DCC: variants seen among roughly 807,000 people sequenced by gnomAD.
DCC encodes the protein DCC netrin 1 receptor.
DCC carries 58 observed loss-of-function variants against 172.5 expected under a neutral mutation model. The ratio of observed to expected loss-of-function variants is 0.34; its 90% CI spans 0.27 to 0.42. The LOEUF (loss-of-function observed/expected upper bound fraction) is 0.42, where lower values mean the gene tolerates loss of function less well. DCC is among the 10% of genes least tolerant of loss of function. The probability of loss-of-function intolerance (pLI) is 1.00; values close to 1 mark genes in which losing one functional copy is unlikely to be tolerated. For missense variants in DCC, 1,740 were observed against 1,791.0 expected (o/e 0.97, Z 0.51); for synonymous variants, 709 against 644.5 (o/e 1.10, Z -1.52).
At chr18:52,403,804 C>G (rs542476757) in intron 1 of DCC, among the ~76,000 whole-genome samples, 1 of 152,186 alleles carries the variant, frequency 6.6e-6, no homozygotes, top group Admixed American at 6.5e-5. Context: ...AGAGCCTCCT[C>G]AGCAGCACTT....
intron 27 of DCC, among the ~76,000 whole-genome samples, chr18:53,522,660 C>A (rs561371906): frequency 6.6e-6 from 1 of 151,630 alleles, no homozygotes; most frequent in Non-Finnish European, 1.5e-5. Context: ...CAAAAAGCAC[C>A]GGGGAAAGGA....
At position 52,866,999 on chromosome 18, in the gene DCC, T is replaced by G. The variant is rs551641896; in HGVS notation, c.413-39045T>G. Among the ~76,000 whole-genome samples, 51 of 152,360 alleles carry G rather than the reference T, an allele frequency of 3.3e-4. 1 individual carries two copies. Among genetic ancestry groups the G allele is most frequent in the African/African-American group, 1.1e-3 (44 of 41,588 alleles). ...GCTTCCAGCTTTTGCCCATTCAGTA[T>G]GATATTGGCTGTGAGTCTGTCATAA... On this transcript the variant is annotated intron_variant, in intron 2 of 28. Transcript: ENST00000442544.
intron 15 of DCC, among the ~76,000 whole-genome samples, chr18:53,365,463 A>G (rs543577467): frequency 6.6e-6 from 1 of 151,816 alleles, no homozygotes; most frequent in Admixed American, 6.5e-5. Context: ...AAAAAAAAGA[A>G]AAAAGCAGCA....
chr18:52,808,554 G>T (rs1305803935), intron 2 of DCC, among the ~76,000 whole-genome samples: 1 of 152,084 alleles, frequency 6.6e-6, no homozygotes, highest in Non-Finnish European at 1.5e-5. Flanking sequence ...ATAAAAATTG[G>T]CATGGTCAGG....
chr18:53,041,304 G>A (rs2143998336), intron 5 of DCC, among the ~76,000 whole-genome samples: 1 of 152,082 alleles, frequency 6.6e-6, no homozygotes, highest in Admixed American at 6.6e-5. Context: ...TGTCAGATTT[G>A]TCAAAGATCA....
intron 14 of DCC, among the ~76,000 whole-genome samples, chr18:53,333,565 A>T (rs1268283428): frequency 6.6e-6 from 1 of 152,202 alleles, no homozygotes; most frequent in East Asian, 1.9e-4. Flanking sequence ...AAAACAAAGT[A>T]TCCAGTGTAG....
chr18:52,508,032 G>A (rs532564605), intron 1 of DCC, among the ~76,000 whole-genome samples: 2 of 152,144 alleles, frequency 1.3e-5, no homozygotes, highest in South Asian at 2.1e-4. Context: ...ACCTGGAAGC[G>A]GAGGTTGCAG....
At chr18:53,039,089 G>A (rs1183325865) in intron 5 of DCC, among the ~76,000 whole-genome samples, 1 of 151,958 alleles carries the variant, frequency 6.6e-6, no homozygotes, top group Non-Finnish European at 1.5e-5. Context: ...CATCCCAATA[G>A]TTTTAGAAGC....
At chr18:53,286,529 T>A (rs2056937722) in intron 12 of DCC, among the ~76,000 whole-genome samples, 1 of 152,164 alleles carries the variant, frequency 6.6e-6, no homozygotes, top group South Asian at 2.1e-4. Context: ...CTCAAGTATA[T>A]CTTTACCAGC....
At chr18:52,549,825 T>G (rs997285803) in intron 1 of DCC, among the ~76,000 whole-genome samples, 8 of 152,026 alleles carry the variant, frequency 5.3e-5, no homozygotes, top group African/African-American at 1.4e-4. Context: ...GCTTTTTTTT[T>G]TCCTTTACAG....
intron 24 of DCC, among the ~76,000 whole-genome samples, chr18:53,465,991 C>G (rs998369994): frequency 6.6e-6 from 1 of 152,180 alleles, no homozygotes; most frequent in Admixed American, 6.5e-5. Context: ...GTCTCGATCT[C>G]CTGACCTCAT....
intron 27 of DCC, among the ~76,000 whole-genome samples, chr18:53,525,611 T>TGTAGA (rs1376379048): frequency 1.3e-5 from 2 of 152,128 alleles, no homozygotes; most frequent in East Asian, 3.9e-4. Flanking sequence ...TTTATCTGAT[T>TGTAGA]GTAGAGTAAC....
chr18:53,455,378 GAC>G (rs1482265394), intron 23 of DCC, among the ~76,000 whole-genome samples: 2 of 152,076 alleles, frequency 1.3e-5, no homozygotes, highest in Non-Finnish European at 2.9e-5. Flanking sequence ...AACTTCAATG[GAC>G]ACAGTCTTGC....
chr18:53,324,128 C>T (rs1446323619), intron 14 of DCC, among the ~76,000 whole-genome samples: 1 of 152,056 alleles, frequency 6.6e-6, no homozygotes, highest in African/African-American at 2.4e-5. Flanking sequence ...TCTAAGTAGG[C>T]AAACCCAGGC....
chr18:52,855,484 G>A (rs1381325590), intron 2 of DCC, among the ~76,000 whole-genome samples: 1 of 152,132 alleles, frequency 6.6e-6, no homozygotes, highest in African/African-American at 2.4e-5. Flanking sequence ...GGACATGACC[G>A]TGATGTGGTA....
At chr18:53,257,351 G>C (rs1266158801) in intron 12 of DCC, among the ~76,000 whole-genome samples, 1 of 152,108 alleles carries the variant, frequency 6.6e-6, no homozygotes, top group Admixed American at 6.5e-5. Context: ...CTGTGGGTTT[G>C]TCATAGATAG....
At chr18:53,295,345 CATATT>C (rs2057054062) in intron 12 of DCC, among the ~76,000 whole-genome samples, 1 of 152,016 alleles carries the variant, frequency 6.6e-6, no homozygotes, top group Non-Finnish European at 1.5e-5. Flanking sequence ...TTTATTATAT[CATATT>C]GATATTTTAT....
chr18:52,354,399 A>G (rs1028468516), intron 1 of DCC, among the ~76,000 whole-genome samples: 1 of 152,228 alleles, frequency 6.6e-6, no homozygotes, highest in African/African-American at 2.4e-5. Flanking sequence ...AATCGTCCAG[A>G]AAAGATGAAT....
chr18:53,504,867 CA>C, intron 27 of DCC, among the ~76,000 whole-genome samples: 1 of 152,090 alleles, frequency 6.6e-6, no homozygotes, highest in East Asian at 1.9e-4. Flanking sequence ...TGCCCAAGGT[CA>C]ACAATTGAGG....
Sources: allele counts gnomAD v4.1 joint callset (sites outside exome capture counted in the v4.1 genomes callset), GRCh38; gene constraint gnomAD v4.1.1; transcripts MANE v1.5; gene names NCBI Gene and HGNC (gene_info 2026-07-23, HGNC 2026-07-21).